Variants in TTN observed in about 807,000 individuals in gnomAD.
TTN encodes titin, also known as connectin.
TTN carries 1,525 observed loss-of-function variants against 3,223.0 expected under a neutral mutation model. The ratio of observed to expected loss-of-function variants is 0.47; its 90% CI spans 0.45 to 0.49. TTN has a LOEUF of 0.49. Among genes scored for constraint, TTN ranks in the 20% least tolerant of loss-of-function variants. TTN has a pLI of 0.00. For missense variants in TTN, 40,786 were observed against 43,424.0 expected (o/e 0.94, Z 5.40); for synonymous variants, 14,094 against 15,161.0 (o/e 0.93, Z 5.17).
rs754276850 is a variant in TTN, at chr2:178,611,968, A to G, written c.50355-14T>C. 1 of 1,608,072 alleles carries G rather than the reference A, an allele frequency of 6.2e-7. No individual in the cohort carries two copies. Among genetic ancestry groups the G allele is most frequent in the Non-Finnish European group, 8.5e-7 (1 of 1,178,168 alleles). On this transcript the variant is annotated splice_polypyrimidine_tract_variant and intron_variant, in intron 267 of 362. Coordinates refer to ENST00000589042, the MANE Select transcript of TTN (RefSeq NM_001267550.2). ...TCAATGACATATCTATTGAAACAAC[A>G]AAGCATTTCATTAGCATTAATGAAA...
chr2:178,726,901 A>T (rs1360867361), intron 69 of TTN, 189 bp downstream of exon 69: 1 of 464,770 alleles, frequency 2.2e-6, no homozygotes, highest in African/African-American at 2.0e-5. Context: ...AAAATATTTC[A>T]TAATGACTAG....
chr2:178,793,755 A>G (rs1430341406), intron 8 of TTN, among the ~76,000 whole-genome samples: 1 of 152,142 alleles, frequency 6.6e-6, no homozygotes, highest in African/African-American at 2.4e-5. Context: ...AGCGGAGGTC[A>G]TGCCACTGCA....
In TTN at chr2:178,528,959, G is replaced by C. The variant is rs767339203; in HGVS notation, c.106792C>G (p.Gln35598Glu). The change falls in exon 360 of 363, where the codon CAG becomes GAG. Residue 35598 changes from glutamine to glutamate, a missense_variant. Coordinates refer to ENST00000589042, the MANE Select transcript of TTN (RefSeq NM_001267550.2). ...IVHEEITKTSQASEEVRTHAE... is the reference protein window; with the variant it reads ...IVHEEITKTSEASEEVRTHAE... ...TGAGTTCTGACTTCTTCTGATGCCT[G>C]TGATGTTTTAGTGATTTCCTCATGG... 15 of 1,614,006 alleles carry C rather than the reference G, an allele frequency of 9.3e-6. No individual in the cohort carries two copies. The highest frequency in any genetic ancestry group is 1.6e-4 in the Middle Eastern group (1 of 6,062).
intron 1 of TTN, among the ~76,000 whole-genome samples, chr2:178,806,964 A>G (rs1235249883): frequency 6.6e-6 from 1 of 152,262 alleles, no homozygotes; most frequent in Non-Finnish European, 1.5e-5. Context: ...TAGAATATTA[A>G]GTGAACTTAA....
Position 178,566,117 on chromosome 2 carries a change from T to A in TTN, c.80015A>T (p.Lys26672Met), listed in dbSNP as rs765691452. 1.2e-6 allele frequency: 2 copies of A among 1,613,662 alleles called. No homozygotes were observed. Among genetic ancestry groups the A allele is most frequent in the Non-Finnish European group, 1.7e-6 (2 of 1,179,660 alleles). ...ILKLENSSGS[K>M]SAFVTVKVLD... Reference sequence around the variant, plus strand: ...AACTTTCACAGTTACAAAAGCAGACTTTGATCCACTGCTGTTTTCCAACTT... The same window carrying A: ...AACTTTCACAGTTACAAAAGCAGACATTGATCCACTGCTGTTTTCCAACTT... Residue 26672 changes from lysine (K) to methionine (M), a missense_variant, in exon 326 of 363, where the codon AAG becomes ATG. Lys to Met is a moderately conservative substitution (Grantham distance 95, BLOSUM62 -1). Transcript: ENST00000589042.
intron 47 of TTN, chr2:178,750,834 T>C (rs1367220080): frequency 6.2e-7 from 1 of 1,613,028 alleles, no homozygotes; most frequent in East Asian, 2.2e-5. Flanking sequence ...CATACATTAG[T>C]GATATATGTG....
chr2:178,584,849 C>T lies in TTN; in HGVS notation c.64792G>A (p.Glu21598Lys). The T allele has an allele frequency of 6.2e-7, 1 of 1,613,372 alleles. No individual in the cohort carries two copies. Among genetic ancestry groups the T allele is most frequent in the East Asian group, 2.2e-5 (1 of 44,794 alleles). Reference sequence around the variant, plus strand: ...TCACCTCGGCTTACATCACACTTCTCCACTATATAATTGGTGATGTTACTG... The same window carrying T: ...TCACCTCGGCTTACATCACACTTCTTCACTATATAATTGGTGATGTTACTG... ...GGSNITNYIV[E>K]KCDVSRGDWV... is the part of the protein sequence containing the mutation. Residue 21598 changes from glutamate (E) to lysine (K), a missense_variant, in exon 310 of 363, where the codon GAG becomes AAG. Transcript: ENST00000589042.
chr2:178,528,327 T>TTAA lies in TTN; in HGVS notation c.107321_107323dup (p.Ile35774dup). On this transcript the variant is annotated inframe_insertion, in exon 361 of 363. Transcript: ENST00000589042. The stretch of plus-strand genomic sequence containing the variant: ...ACACTGGCCACGGAAATTTTTGGCC[T>TTAA]TAATTGTGTACTTTCCACTGTCGCT... 1 of 1,613,950 alleles carries TTAA rather than the reference T, an allele frequency of 6.2e-7. No homozygotes were observed. The highest frequency in any genetic ancestry group is 8.5e-7 in the Non-Finnish European group (1 of 1,179,836).
chr2:178,533,345 T>C lies in TTN; in HGVS notation c.103270A>G (p.Arg34424Gly). 6.2e-7 allele frequency: 1 copy of C among 1,613,728 alleles called. No individual in the cohort carries two copies. Among genetic ancestry groups the C allele is most frequent in the African/African-American group, 1.3e-5 (1 of 75,030 alleles). Residue 34424 changes from arginine to glycine, a missense_variant, in exon 358 of 363, where the codon AGG becomes GGG. Transcript: ENST00000589042. ...CCCGTGTCTTCAGGCAAAGTGTCCCTGATGTGCAGAGCATAATAATCCAAG... is the reference window on the plus strand; with the variant it reads ...CCCGTGTCTTCAGGCAAAGTGTCCCCGATGTGCAGAGCATAATAATCCAAG... ...EGLDYYALHI[R>G]DTLPEDTGYY...
chr2:178,691,902 A>G, intron 121 of TTN, 114 bp downstream of exon 121: 1 of 785,872 alleles, frequency 1.3e-6, no homozygotes, highest in Non-Finnish European at 1.9e-6. Context: ...TAAAAACACA[A>G]GAAGAATGTA....
rs557155501 is a variant in TTN, at chr2:178,584,305, G to A, written c.65246C>T (p.Thr21749Ile). The A allele has an allele frequency of 3.1e-6, 5 of 1,592,242 alleles. No homozygotes were observed. The highest frequency in any genetic ancestry group is 4.3e-6 in the Non-Finnish European group (5 of 1,166,492). Residue 21749 changes from threonine to isoleucine, a missense_variant, in exon 311 of 363, where the codon ACA (threonine) becomes ATA (isoleucine). By Grantham distance (89) the Thr-to-Ile change is moderately conservative. Transcript: ENST00000589042. The stretch of plus-strand genomic sequence containing the variant: ...TGGCATTCTTGCAGTTACATATTCT[G>A]TGGGTTTGCTGGGTGGGCTGGATCC... ...KAGSSPPSKP[T>I]EYVTARMPVD...
Position 178,719,888 on chromosome 2 carries a change from G to A in TTN, c.23660-56C>T, listed in dbSNP as rs1332874046. Reference sequence around the variant, plus strand: ...AAAGTAACCTTTCAAACTCAAGAGTGCAATCACTGAATTACTGGATAAGAG... The same window carrying A: ...AAAGTAACCTTTCAAACTCAAGAGTACAATCACTGAATTACTGGATAAGAG... On this transcript the variant is annotated intron_variant, in intron 81 of 362. Coordinates refer to ENST00000589042, the MANE Select transcript of TTN (RefSeq NM_001267550.2). 4.5e-6 allele frequency: 7 copies of A among 1,556,154 alleles called. No individual in the cohort carries two copies. In the East Asian group the frequency reaches 9.1e-5, roughly 20 times the overall value.
At position 178,620,279 on chromosome 2, in the gene TTN, G is replaced by T. The variant is rs749998042; in HGVS notation, c.46242C>A (p.Leu15414=). The T allele has an allele frequency of 3.2e-6, 5 of 1,547,838 alleles. No individual in the cohort carries two copies. Among genetic ancestry groups the T allele is most frequent in the Non-Finnish European group, 4.4e-6 (5 of 1,149,352 alleles). ...ATTTTACATTGGCTTTCTCTCTGGA[G>T]AGCTGGCAGGAGAAGACAGCGTCAT... ...EFDDAVFSCQ[L]SREKANVKWY... Residue 15414 remains leucine, a synonymous_variant, in exon 248 of 363, where the codon CTC becomes CTA. Transcript: ENST00000589042.
chr2:178,769,350 C>T (rs1357270790), intron 37 of TTN, among the ~76,000 whole-genome samples: 2 of 151,918 alleles, frequency 1.3e-5, no homozygotes, highest in African/African-American at 2.4e-5. Context: ...GCCTTCTGGG[C>T]CCAAGCGATC....
Position 178,566,353 on chromosome 2 carries a change from G to C in TTN, c.79779C>G (p.Asp26593Glu). 6.2e-7 allele frequency: 1 copy of C among 1,613,516 alleles called. No individual in the cohort carries two copies. ...PEDKLEAPELDLDSELRKGIV... is the reference protein window; with the variant it reads ...PEDKLEAPELELDSELRKGIV... ...TTCCTTTTCTTAATTCGGAGTCAAG[G>C]TCAAGTTCAGGTGCTTCAAGTTTAT... Residue 26593 changes from aspartate to glutamate, a missense_variant, in exon 326 of 363, where the codon GAC becomes GAG. Asp to Glu is a conservative substitution (Grantham distance 45, BLOSUM62 2). Coordinates refer to ENST00000589042, the MANE Select transcript of TTN (RefSeq NM_001267550.2).
rs1553571817 is a variant in TTN, at chr2:178,563,356, A to G, written c.82776T>C (p.Ser27592=). The G allele has an allele frequency of 6.2e-7, 1 of 1,613,384 alleles. No homozygotes were observed. ...TSRSSVSLAW[S]KPIYDGGAPV... The stretch of plus-strand genomic sequence containing the variant: ...GTGCGCCACCATCATAAATTGGCTT[A>G]CTCCATGCCAGGGAGACAGAAGATC... The change falls in exon 326 of 363, where the codon AGT becomes AGC. Residue 27592 remains serine (S), a synonymous_variant. Transcript: ENST00000589042. This position sits in a 1 kb window ranked among gnomAD's most constrained non-coding sequence, Gnocchi z 4.5.
chr2:178,669,633 C>T lies in TTN; in HGVS notation c.35429G>A (p.Arg11810His), dbSNP rs758596411. The T allele has an allele frequency of 2.7e-5, 43 of 1,612,282 alleles. No individual in the cohort carries two copies. In the East Asian group the frequency reaches 2.9e-4, roughly 11 times the overall value. Residue 11810 changes from arginine to histidine, a missense_variant, in exon 158 of 363, where the codon CGT (arginine) becomes CAT (histidine). Transcript: ENST00000589042. ...PKKIVPEEKV[R>H]EAVLKKPEVP... ...TTCAGGCTTTTTCAGAACAGCTTCA[C>T]GAACTTTTTCTTCTGGGACAATTTT...
At chr2:178,730,859 T>G in intron 60 of TTN, 66 bp downstream of exon 60, 8 of 1,530,130 alleles carry the variant, frequency 5.2e-6, no homozygotes, top group Non-Finnish European at 7.0e-6. Context: ...TGTTTTTTTT[T>G]TTAAATTTTA....
intron 15 of TTN, among the ~76,000 whole-genome samples, chr2:178,784,867 A>G (rs1019328769): frequency 1.3e-5 from 2 of 152,230 alleles, no homozygotes; most frequent in African/African-American, 4.8e-5. Context: ...GTTGTGGTCT[A>G]TGGTTATTTG....
Sources: allele counts gnomAD v4.1 joint callset (sites outside exome capture counted in the v4.1 genomes callset), GRCh38; gene constraint gnomAD v4.1.1; non-coding constraint Gnocchi (gnomAD v3.1); transcripts MANE v1.5; gene names NCBI Gene and HGNC (gene_info 2026-07-23, HGNC 2026-07-21).